EEF1E1: variants seen among roughly 807,000 people sequenced by gnomAD.
EEF1E1 encodes the protein eukaryotic translation elongation factor 1 epsilon-1.
Under a neutral mutation model 19.9 loss-of-function variants are expected in EEF1E1, and 19 were observed. The ratio of observed to expected loss-of-function variants is 0.95; its 90% CI spans 0.66 to 1.40. The LOEUF is 1.40. Ranked by LOEUF, EEF1E1 falls within the 40% of genes most tolerant of loss-of-function variation. The pLI, the probability that EEF1E1 is intolerant of heterozygous loss-of-function variation, is 0.00. For missense variants in EEF1E1, 198 were observed against 202.2 expected (o/e 0.98, Z 0.13); for synonymous variants, 81 against 80.0 (o/e 1.01, Z -0.07).
intron 1 of EEF1E1, chr6:8,101,670 C>T (rs2113673299): frequency 9.1e-7 from 1 of 1,101,748 alleles, no homozygotes; most frequent in East Asian, 6.5e-5. Flanking sequence ...AAGTAGTCTT[C>T]CTACAACCAA....
At chr6:8,076,458 G>A (rs1757592219), downstream of EEF1E1, among the ~76,000 whole-genome samples, 1 of 151,854 alleles carries the variant, frequency 6.6e-6, no homozygotes, top group Non-Finnish European at 1.5e-5. Flanking sequence ...GGAGTAGCTG[G>A]GACTACAGGC....
chr6:8,084,989 T>C (rs1757812589), intron 3 of EEF1E1, among the ~76,000 whole-genome samples: 1 of 152,192 alleles, frequency 6.6e-6, no homozygotes, highest in East Asian at 1.9e-4. Context: ...TACTAAAACA[T>C]ATTGAACCTA....
At chr6:8,078,571 C>G (rs190607331), downstream of EEF1E1, 10 of 980,020 alleles carry the variant, frequency 1.0e-5, no homozygotes, top group African/African-American at 1.8e-4. Context: ...TCGCTCGAAG[C>G]AGGGTTGCCA....
chr6:8,083,072 T>A (rs1757760818), intron 3 of EEF1E1, among the ~76,000 whole-genome samples: 1 of 152,236 alleles, frequency 6.6e-6, no homozygotes, highest in South Asian at 2.1e-4. Flanking sequence ...TCTATAGTGG[T>A]GCTTGGCTCT....
intron 3 of EEF1E1, among the ~76,000 whole-genome samples, chr6:8,083,321 C>A (rs1206000091): frequency 6.6e-6 from 1 of 152,176 alleles, no homozygotes; most frequent in East Asian, 1.9e-4. Flanking sequence ...GCAGTTAATT[C>A]TTTTATTTTT....
chr6:8,093,780 T>C (rs1378542219), intron 2 of EEF1E1, among the ~76,000 whole-genome samples: 1 of 151,840 alleles, frequency 6.6e-6, no homozygotes, highest in Non-Finnish European at 1.5e-5. Context: ...ACATTAATAA[T>C]TGTATTAAAA....
chr6:8,097,405 A>G lies in EEF1E1; in HGVS notation c.150T>C (p.His50=). The G allele has an allele frequency of 6.2e-7, 1 of 1,614,144 alleles. No individual in the cohort carries two copies. Among genetic ancestry groups the G allele is most frequent in the Non-Finnish European group, 8.5e-7 (1 of 1,180,034 alleles). ...ATTCTTTGTTGGCTTGCTTGACTAG[A>G]TGAGCTGCTATAGTAGTCAATCCTG... ...SLTGLTTIAA[H]LVKQANKEYL... is the part of the protein sequence containing the mutation. Residue 50 remains histidine, a synonymous_variant, in exon 2 of 4, where the codon CAT becomes CAC. Coordinates refer to ENST00000379715, the MANE Select transcript of EEF1E1 (RefSeq NM_004280.5).
chr6:8,089,793 G>C (rs1056112547), intron 3 of EEF1E1, among the ~76,000 whole-genome samples: 3 of 151,974 alleles, frequency 2.0e-5, no homozygotes, highest in African/African-American at 7.3e-5. Context: ...TGGAATGGTA[G>C]GAATATGGGG....
chr6:8,077,007 G>C (rs1256100826), downstream of EEF1E1, among the ~76,000 whole-genome samples: 1 of 138,686 alleles, frequency 7.2e-6, no homozygotes, highest in African/African-American at 2.7e-5. Context: ...CAGTGGCAGC[G>C]ATCTCGGCTC....
exon 4 of EEF1E1, chr6:8,073,447 T>G: frequency 6.4e-6 from 10 of 1,550,396 alleles, no homozygotes; most frequent in Non-Finnish European, 8.7e-6. Context: ...CTCAGTTCCT[T>G]GATCTCAGTT....
chr6:8,087,713 C>A (rs997684735), intron 3 of EEF1E1, among the ~76,000 whole-genome samples: 7 of 152,178 alleles, frequency 4.6e-5, no homozygotes, highest in African/African-American at 1.7e-4. Context: ...CCAGGGGCCA[C>A]CAAGCTCATC....
downstream of EEF1E1, among the ~76,000 whole-genome samples, chr6:8,076,282 GGCA>G (rs1757587791): frequency 6.6e-6 from 1 of 151,858 alleles, no homozygotes; most frequent in Non-Finnish European, 1.5e-5. Flanking sequence ...CACTATCTAT[GGCA>G]GCTATAGCCT....
intron 2 of EEF1E1, among the ~76,000 whole-genome samples, chr6:8,096,038 A>G (rs1432219651): frequency 1.3e-5 from 2 of 152,224 alleles, no homozygotes; most frequent in Non-Finnish European, 2.9e-5. Context: ...AGCTCCACAT[A>G]TATTTCAAAA....
chr6:8,086,325 T>G (rs1169205301), intron 3 of EEF1E1, among the ~76,000 whole-genome samples: 1 of 152,176 alleles, frequency 6.6e-6, no homozygotes, highest in Admixed American at 6.5e-5. Context: ...AATCCCTGTC[T>G]TCTCTCTTCA....
rs543091265 is a variant in EEF1E1 at position 8,094,797 on chromosome 6, T to A, written c.288+2470A>T. ...AAACCCGTGCTCTTCTTCCTCCTCC[T>A]TAGCCTACTCAATGTGAAGTGAAGA... On this transcript the variant is annotated intron_variant, in intron 2 of 3. Transcript: ENST00000379715. Among the ~76,000 whole-genome samples, 59 of 152,274 alleles carry A rather than the reference T, an allele frequency of 3.9e-4. 1 individual carries two copies. In the South Asian group the frequency reaches 0.012, roughly 31 times the overall value.
At chr6:8,075,738 T>G (rs1257808929), downstream of EEF1E1, among the ~76,000 whole-genome samples, 6 of 152,228 alleles carry the variant, frequency 3.9e-5, no homozygotes, top group Admixed American at 3.9e-4. Flanking sequence ...GCCACATTAA[T>G]CGACTCTTCC....
At chr6:8,094,266 A>G (rs575183221) in intron 2 of EEF1E1, among the ~76,000 whole-genome samples, 2 of 152,238 alleles carry the variant, frequency 1.3e-5, no homozygotes, top group African/African-American at 4.8e-5. Flanking sequence ...CTTTAAAAAT[A>G]TATAGCTTTT....
downstream of EEF1E1, chr6:8,078,884 T>A: frequency 1.9e-6 from 2 of 1,046,800 alleles, no homozygotes; most frequent in East Asian, 7.6e-5. Flanking sequence ...CTGCTTTGTT[T>A]AAAGTTCTGC....
chr6:8,102,151 T>A (rs1758383773), intron 1 of EEF1E1: 2 of 1,262,340 alleles, frequency 1.6e-6, no homozygotes, highest in East Asian at 6.7e-5. Context: ...GTGAGGACCC[T>A]CCTCCAACTG....
Sources: gnomAD v4.1 joint callset for allele counts (sites outside exome capture counted in the v4.1 genomes callset) on GRCh38, gnomAD v4.1.1 for gene constraint, MANE v1.5 for transcripts, NCBI Gene and HGNC (gene_info 2026-07-23, HGNC 2026-07-21) for gene names.